DCC: variants seen among roughly 807,000 people sequenced by gnomAD.
DCC encodes the protein netrin receptor DCC.
Under a neutral mutation model 172.5 loss-of-function variants are expected in DCC, and 58 were observed. That is an observed-to-expected ratio of 0.34 (90% CI 0.27 to 0.42). The LOEUF is 0.42. Among genes scored for constraint, DCC ranks in the 10% least tolerant of loss-of-function variants. The pLI is 1.00. For synonymous variants in DCC, 709 were observed against 644.5 expected, an observed-to-expected ratio of 1.10 and a Z score of -1.52; for missense variants, 1,740 against 1,791.0, an observed-to-expected ratio of 0.97 and a Z score of 0.51.
chr18:53,019,357 GAA>G (rs1350152471), intron 5 of DCC, among the ~76,000 whole-genome samples: 1 of 152,038 alleles, frequency 6.6e-6, no homozygotes, highest in African/African-American at 2.4e-5. Flanking sequence ...TGTTACTTGT[GAA>G]AAGTTTTCAG....
rs541966989 is a variant in DCC at position 52,564,448 on chromosome 18, G to T, written c.92-187606G>T. ...TGTTTTCCTCATGTTTTCAACTGTGGCAGTAAGAAGTAATATATACCTAAT... is the reference window on the plus strand; with the variant it reads ...TGTTTTCCTCATGTTTTCAACTGTGTCAGTAAGAAGTAATATATACCTAAT... On this transcript the variant is annotated intron_variant, in intron 1 of 28. Coordinates refer to ENST00000442544, the MANE Select transcript of DCC (RefSeq NM_005215.4). Among the ~76,000 whole-genome samples the T allele has an allele frequency of 1.2e-4, 19 of 152,108 alleles. No homozygotes were observed. In the East Asian group the frequency reaches 3.5e-3, roughly 28 times the overall value.
chr18:52,549,882 A>G (rs1254795226), intron 1 of DCC, among the ~76,000 whole-genome samples: 1 of 151,896 alleles, frequency 6.6e-6, no homozygotes, highest in Non-Finnish European at 1.5e-5. Flanking sequence ...ATGCAGAAGA[A>G]TTTTGAATAA....
At chr18:53,206,633 G>A (rs1210057685) in intron 10 of DCC, among the ~76,000 whole-genome samples, 2 of 121,154 alleles carry the variant, frequency 1.7e-5, no homozygotes, top group Non-Finnish European at 3.6e-5. Context: ...ATACATATAT[G>A]TATACATATA....
At chr18:52,672,369 T>A (rs1027502545) in intron 1 of DCC, among the ~76,000 whole-genome samples, 5 of 152,194 alleles carry the variant, frequency 3.3e-5, no homozygotes, top group Non-Finnish European at 5.9e-5. Flanking sequence ...AATCCAACTA[T>A]CTGAATCTTT....
At position 53,254,590 on chromosome 18, in the gene DCC, G is replaced by A. The variant is rs16956425; in HGVS notation, c.1911+38993G>A. The stretch of plus-strand genomic sequence containing the variant: ...ATTCCTAACTGGTTCTTAATCAGGG[G>A]TGTGACACTCTATAAAAATATACAT... On this transcript the variant is annotated intron_variant, in intron 12 of 28. Transcript: ENST00000442544. 3.3e-5 allele frequency among the ~76,000 whole-genome samples: 5 copies of A among 151,986 alleles called. 1 individual carries two copies. In the South Asian group the frequency reaches 1.0e-3, roughly 32 times the overall value.
intron 1 of DCC, among the ~76,000 whole-genome samples, chr18:52,427,975 T>C (rs1987497878): frequency 6.6e-6 from 1 of 151,738 alleles, no homozygotes; most frequent in East Asian, 1.9e-4. Flanking sequence ...CCAAAGTAGC[T>C]CTTGTTCAAC....
chr18:52,980,558 T>C (rs1239185788), intron 5 of DCC, among the ~76,000 whole-genome samples: 3 of 152,196 alleles, frequency 2.0e-5, no homozygotes, highest in Non-Finnish European at 4.4e-5. Context: ...TAGATTACAG[T>C]TCAACTAACT....
chr18:52,619,434 T>A (rs1568259041), intron 1 of DCC, among the ~76,000 whole-genome samples: 1 of 152,194 alleles, frequency 6.6e-6, no homozygotes, highest in Admixed American at 6.5e-5. Flanking sequence ...AGTAGGCAAC[T>A]GCTTCTGGAT....
intron 15 of DCC, among the ~76,000 whole-genome samples, chr18:53,351,289 C>A: frequency 9.3e-5 from 2 of 21,556 alleles, no homozygotes; most frequent in African/African-American, 2.5e-4. Context: ...TCATTGAGTA[C>A]AGTATATATA....
intron 1 of DCC, among the ~76,000 whole-genome samples, chr18:52,600,288 T>C (rs1056315736): frequency 1.1e-4 from 17 of 152,144 alleles, no homozygotes. Flanking sequence ...AATTCCAAAA[T>C]CATGCTTCTG....
intron 1 of DCC, among the ~76,000 whole-genome samples, chr18:52,595,094 C>T (rs1012605762): frequency 6.6e-6 from 1 of 152,208 alleles, no homozygotes; most frequent in Non-Finnish European, 1.5e-5. Context: ...AATTCTCATA[C>T]TGGATCATCC....
In DCC at chr18:53,096,368, C is replaced by A. The variant is rs568374059; in HGVS notation, c.1261+30202C>A. ...AGAATAAAAAAGAAGAGAAAATTAACAAGAGCTTGTAAAAATAAGAAGTGT... is the reference window on the plus strand; with the variant it reads ...AGAATAAAAAAGAAGAGAAAATTAAAAAGAGCTTGTAAAAATAAGAAGTGT... On this transcript the variant is annotated intron_variant, in intron 7 of 28. Transcript: ENST00000442544. Among the ~76,000 whole-genome samples the A allele has an allele frequency of 2.6e-5, 4 of 152,036 alleles. No homozygotes were observed. The South Asian group carries it at 8.3e-4, about 32-fold the overall frequency.
At chr18:53,024,460 A>T (rs2041928374) in intron 5 of DCC, among the ~76,000 whole-genome samples, 1 of 152,180 alleles carries the variant, frequency 6.6e-6, no homozygotes, top group Non-Finnish European at 1.5e-5. Flanking sequence ...AGCTCTGAAC[A>T]GTATTCAAAT....
chr18:53,377,162 C>T (rs944529188), intron 15 of DCC, among the ~76,000 whole-genome samples: 4 of 152,062 alleles, frequency 2.6e-5, no homozygotes, highest in African/African-American at 9.7e-5. Flanking sequence ...GACATGATAC[C>T]ACTGTCTTAG....
intron 2 of DCC, among the ~76,000 whole-genome samples, chr18:52,813,874 C>T (rs998870509): frequency 6.6e-6 from 1 of 152,184 alleles, no homozygotes; most frequent in Non-Finnish European, 1.5e-5. Flanking sequence ...AATGACTCAT[C>T]TTCTGTCTTG....
At chr18:52,574,403 C>T (rs2033365022) in intron 1 of DCC, among the ~76,000 whole-genome samples, 1 of 152,164 alleles carries the variant, frequency 6.6e-6, no homozygotes, top group African/African-American at 2.4e-5. Context: ...TTCTAAGTCA[C>T]CATCAATAAT....
At chr18:53,091,295 A>G (rs952408373) in intron 7 of DCC, among the ~76,000 whole-genome samples, 13 of 146,202 alleles carry the variant, frequency 8.9e-5, no homozygotes, top group Non-Finnish European at 1.5e-4. Flanking sequence ...GAATAACATG[A>G]AAAGAAATAT....
At chr18:52,853,465 T>C (rs1464993404) in intron 2 of DCC, among the ~76,000 whole-genome samples, 1 of 152,218 alleles carries the variant, frequency 6.6e-6, no homozygotes, top group Non-Finnish European at 1.5e-5. Context: ...TATGAAACGG[T>C]ACACTTTTCA....
intron 5 of DCC, among the ~76,000 whole-genome samples, chr18:52,932,542 A>G (rs905479682): frequency 1.8e-4 from 27 of 152,248 alleles, no homozygotes; most frequent in African/African-American, 5.1e-4. Context: ...TAAGTTGAAC[A>G]TCAGTGAGAA....
Sources: allele counts gnomAD v4.1 joint callset (sites outside exome capture counted in the v4.1 genomes callset), GRCh38; gene constraint gnomAD v4.1.1; transcripts MANE v1.5; gene names NCBI Gene and HGNC (gene_info 2026-07-23, HGNC 2026-07-21).